PLVAP: variants seen among roughly 807,000 people sequenced by gnomAD.
PLVAP encodes plasmalemma vesicle associated protein.
PLVAP carries 34 observed loss-of-function variants against 43.1 expected under a neutral mutation model. The observed-to-expected ratio is 0.79, with a 90% CI of 0.60 to 1.05. The LOEUF is 1.05. Among genes scored for constraint, PLVAP ranks in the 50% least tolerant of loss-of-function variants. The pLI is 0.00. For synonymous variants in PLVAP, 241 were observed against 237.3 expected, an observed-to-expected ratio of 1.02 and a Z score of -0.14; for missense variants, 574 against 593.4, an observed-to-expected ratio of 0.97 and a Z score of 0.34.
intron 3 of PLVAP, among the ~76,000 whole-genome samples, chr19:17,362,998 A>G (rs1212310396): frequency 6.6e-6 from 1 of 151,806 alleles, no homozygotes; most frequent in Non-Finnish European, 1.5e-5. Context: ...CCTAACCCCA[A>G]TCCTCATCCC....
chr19:17,377,304 G>A lies in PLVAP; in HGVS notation c.-16C>T, dbSNP rs572213793. The stretch of plus-strand genomic sequence containing the variant: ...CCAGACCCATTTGCTCGATCCCGCC[G>A]TCCGGTGCACCGTCCCTGCTCACCA... On this transcript the variant is annotated 5_prime_UTR_variant, in exon 1 of 6. In the 5' UTR this introduces an upstream ATG that the reference lacks. Coordinates refer to ENST00000252590, the MANE Select transcript of PLVAP (RefSeq NM_031310.3). 35 of 1,592,350 alleles carry A rather than the reference G, an allele frequency of 2.2e-5. No homozygotes were observed. Among genetic ancestry groups the A allele is most frequent in the Admixed American group, 3.4e-5 (2 of 59,268 alleles).
chr19:17,361,626 A>G (rs1194684604), intron 3 of PLVAP, among the ~76,000 whole-genome samples: 2 of 152,146 alleles, frequency 1.3e-5, no homozygotes, highest in Admixed American at 6.6e-5. Flanking sequence ...TCTGAACTCA[A>G]TCACCTAAAA....
Position 17,377,333 on chromosome 19 carries a change from G to A in PLVAP, c.-45C>T. ...GGTGCACCGTCCCTGCTCACCACCA[G>A]GCCTGCTCTGGCCCCCGCCTCGCAG... On this transcript the variant is annotated 5_prime_UTR_variant, in exon 1 of 6. Coordinates refer to ENST00000252590, the MANE Select transcript of PLVAP (RefSeq NM_031310.3). 2 of 1,434,686 alleles carry A rather than the reference G, an allele frequency of 1.4e-6. No homozygotes were observed. Among genetic ancestry groups the A allele is most frequent in the South Asian group, 2.5e-5 (2 of 81,232 alleles). 88.9% of individuals were successfully genotyped at this position (1,434,686 alleles called of 1,614,324 possible). A position where few individuals can be genotyped will look rare whatever the true frequency, so the allele number is the denominator to read the frequency against.
intron 5 of PLVAP, among the ~76,000 whole-genome samples, chr19:17,359,715 C>T (rs2074520630): frequency 1.9e-5 from 1 of 53,722 alleles, no homozygotes; most frequent in Non-Finnish European, 4.4e-5. Flanking sequence ...TTTTTTCTGA[C>T]ACAGTCTCAC....
At chr19:17,353,946 G>A (rs778770770) in intron 5 of PLVAP, among the ~76,000 whole-genome samples, 5 of 152,026 alleles carry the variant, frequency 3.3e-5, no homozygotes, top group Non-Finnish European at 7.3e-5. Context: ...CAGTGAACTT[G>A]AACAACATTA....
chr19:17,362,493 A>G (rs772017246), intron 3 of PLVAP: 6 of 152,310 alleles, frequency 3.9e-5, no homozygotes, highest in Non-Finnish European at 5.9e-5. Flanking sequence ...CAGTCACCCT[A>G]AACCAACCGA....
intron 1 of PLVAP, among the ~76,000 whole-genome samples, chr19:17,375,781 T>C (rs1261141599): frequency 6.6e-6 from 1 of 151,524 alleles, no homozygotes; most frequent in African/African-American, 2.4e-5. Context: ...CTCAGGAGGC[T>C]GAGGCAGGAG....
At chr19:17,359,614 C>T (rs1402192581) in intron 5 of PLVAP, among the ~76,000 whole-genome samples, 3 of 151,632 alleles carry the variant, frequency 2.0e-5, no homozygotes, top group Non-Finnish European at 2.9e-5. Context: ...CCATGTTGGC[C>T]AGATGGTCTT....
chr19:17,353,007 C>T (rs552959025), intron 5 of PLVAP, among the ~76,000 whole-genome samples: 1 of 152,222 alleles, frequency 6.6e-6, no homozygotes, highest in African/African-American at 2.4e-5. Flanking sequence ...CGCCTTTGCA[C>T]GATCGGAGTT....
chr19:17,352,507 C>T, intron 5 of PLVAP, 139 bp from the exon 6 acceptor site: 1 of 899,622 alleles, frequency 1.1e-6, no homozygotes, highest in Non-Finnish European at 1.8e-6. Context: ...ACCCTGGGCC[C>T]CTACTTCTTC....
chr19:17,368,535 ATTAAG>A (rs2145724579), intron 1 of PLVAP, among the ~76,000 whole-genome samples: 1 of 152,096 alleles, frequency 6.6e-6, no homozygotes, highest in South Asian at 2.1e-4. Context: ...TAGAGAGGTA[ATTAAG>A]TTAAGGTGAG....
intron 5 of PLVAP, among the ~76,000 whole-genome samples, chr19:17,354,012 G>A (rs980533586): frequency 2.0e-5 from 3 of 152,102 alleles, no homozygotes; most frequent in Non-Finnish European, 2.9e-5. Flanking sequence ...CCATACGGCC[G>A]GGCGCGGTGG....
intron 1 of PLVAP, among the ~76,000 whole-genome samples, chr19:17,366,632 T>C (rs1403890160): frequency 4.0e-5 from 6 of 151,752 alleles, no homozygotes; most frequent in Non-Finnish European, 5.9e-5. Context: ...GAATTTCTTT[T>C]TTTTTTTTTT....
chr19:17,360,914 CTTTTTT>C (rs71336607), intron 3 of PLVAP, 82 bp from the exon 4 acceptor site: 16 of 904,180 alleles, frequency 1.8e-5, no homozygotes, highest in Admixed American at 3.1e-5. Context: ...TTTTCTTTTT[CTTTTTT>C]TTTTTTTTTT....
chr19:17,376,572 C>T (rs966978413), intron 1 of PLVAP, among the ~76,000 whole-genome samples: 2 of 151,732 alleles, frequency 1.3e-5, no homozygotes, highest in Non-Finnish European at 1.5e-5. Context: ...CCAAGGCAGG[C>T]GTATCACTTG....
At chr19:17,373,297 C>A (rs575435231) in intron 1 of PLVAP, among the ~76,000 whole-genome samples, 7 of 151,866 alleles carry the variant, frequency 4.6e-5, no homozygotes, top group Admixed American at 2.6e-4. Context: ...GGAGACGGTG[C>A]TTTGCCCCGG....
intron 1 of PLVAP, among the ~76,000 whole-genome samples, chr19:17,368,836 G>A (rs1384948701): frequency 6.6e-6 from 1 of 152,096 alleles, no homozygotes; most frequent in East Asian, 1.9e-4. Flanking sequence ...AAATTAGCAG[G>A]GCATGTTGGT....
At chr19:17,352,436 C>G in intron 5 of PLVAP, 68 bp from the exon 6 acceptor site, 1 of 1,553,358 alleles carries the variant, frequency 6.4e-7, no homozygotes, top group Admixed American at 1.7e-5. Context: ...CTCGCCGGGC[C>G]CTGGAGGCTC....
intron 1 of PLVAP, among the ~76,000 whole-genome samples, chr19:17,369,866 G>C (rs1385662092): frequency 6.6e-6 from 1 of 151,370 alleles, no homozygotes; most frequent in African/African-American, 2.4e-5. Context: ...AGCCAGGCCT[G>C]GTGGCAGGTG....
Sources: gnomAD v4.1 joint callset for allele counts (sites outside exome capture counted in the v4.1 genomes callset) on GRCh38, gnomAD v4.1.1 for gene constraint, MANE v1.5 for transcripts, NCBI Gene and HGNC (gene_info 2026-07-23, HGNC 2026-07-21) for gene names.